The following OVCH2 variants were observed in gnomAD, a reference collection of about 807,000 sequenced individuals.
The protein encoded by OVCH2 is ovochymase-2.
A neutral mutation model predicts 73.7 loss-of-function variants in OVCH2; 88 were observed. That is an observed-to-expected ratio of 1.19 (90% CI 1.01 to 1.43). OVCH2 has a LOEUF of 1.43. Ranked by LOEUF, OVCH2 falls within the 40% of genes most tolerant of loss-of-function variation. The probability of loss-of-function intolerance (pLI) is 0.00; values close to 1 mark genes in which losing one functional copy is unlikely to be tolerated. For synonymous variants in OVCH2, 265 were observed against 234.5 expected (o/e 1.13, Z -1.19); for missense variants, 706 against 674.5 (o/e 1.05, Z -0.52).
intron 14 of OVCH2, 140 bp downstream of exon 14, chr11:7,691,129 G>T (rs771648568): frequency 2.3e-5 from 24 of 1,058,344 alleles, no homozygotes; most frequent in African/African-American, 3.2e-5. Context: ...CTCTTATTCA[G>T]TGTCCATGGT....
Position 7,703,771 on chromosome 11 carries a change from G to A in OVCH2, c.217C>T (p.Gln73Ter), listed in dbSNP as rs781651308. Residue 73 changes from glutamine (Q) to a stop codon, truncating the protein, a stop_gained, in exon 3 of 16, where the codon CAG (glutamine) becomes TAG (stop). Transcript: ENST00000533663. LOFTEE classifies it high-confidence loss of function. Reference sequence around the variant, plus strand: ...ATGCTTCCTCCACAAATATGCTTCTGCCTTTGTTTCAGAGATACCTAAATT... The same window carrying A: ...ATGCTTCCTCCACAAATATGCTTCTACCTTTGTTTCAGAGATACCTAAATT... ...YPWQVSLKQR[Q>*]KHICGGSIVS... 6.2e-7 allele frequency: 1 copy of A among 1,608,282 alleles called. No homozygotes were observed. The highest frequency in any genetic ancestry group is 8.5e-7 in the Non-Finnish European group (1 of 1,177,230).
the OVCH2 span, among the ~76,000 whole-genome samples, chr11:7,679,697 T>A: frequency 6.6e-6 from 1 of 152,060 alleles, no homozygotes; most frequent in Non-Finnish European, 1.5e-5. Context: ...ATCCAGTCAG[T>A]CTCAGGGATG....
intron 11 of OVCH2, 91 bp from the exon 12 acceptor site, chr11:7,695,279 A>AT: frequency 7.3e-7 from 1 of 1,371,184 alleles, no homozygotes; most frequent in South Asian, 1.5e-5. Context: ...AAAATGATGC[A>AT]TATCAATTGC....
intron 12 of OVCH2, among the ~76,000 whole-genome samples, chr11:7,694,779 T>C (rs531903234): frequency 2.0e-5 from 3 of 147,414 alleles, no homozygotes; most frequent in Non-Finnish European, 4.4e-5. Flanking sequence ...GCCCGGCTAA[T>C]TCAATACAAA....
chr11:7,688,458 C>CTGCAGCT (rs1324215624), downstream of OVCH2, among the ~76,000 whole-genome samples: 1 of 152,136 alleles, frequency 6.6e-6, no homozygotes, highest in Non-Finnish European at 1.5e-5. Flanking sequence ...GAAGGAATCA[C>CTGCAGCT]TGCAGCCACA....
chr11:7,701,309 G>A lies in OVCH2; in HGVS notation c.711+15C>T, dbSNP rs774034011. ...TCCTTGCCTGGGGCCTGACAGCCCC[G>A]CAGCTCCCACCCACCTGACATGCGT... On this transcript the variant is annotated intron_variant, in intron 6 of 15. Transcript: ENST00000533663. 3.0e-5 allele frequency: 48 copies of A among 1,602,272 alleles called. No individual in the cohort carries two copies. The highest frequency in any genetic ancestry group is 3.7e-4 in the Middle Eastern group (2 of 5,412).
chr11:7,685,121 C>A (rs1257244371), downstream of OVCH2, among the ~76,000 whole-genome samples: 1 of 152,116 alleles, frequency 6.6e-6, no homozygotes, highest in Non-Finnish European at 1.5e-5. Flanking sequence ...CCCTGGGTTT[C>A]CAGTGACTTG....
At chr11:7,702,680 A>G (rs754777802) in intron 3 of OVCH2, among the ~76,000 whole-genome samples, 7 of 152,190 alleles carry the variant, frequency 4.6e-5, no homozygotes, top group Non-Finnish European at 8.8e-5. Flanking sequence ...CTGACCTAAT[A>G]TCAGTGAGAC....
chr11:7,703,825 T>C (rs374889056), intron 2 of OVCH2, 36 bp from the exon 3 acceptor site: 1 of 1,517,932 alleles, frequency 6.6e-7, no homozygotes. Flanking sequence ...AGCAAGTTCA[T>C]GCCCTGGGAT....
Position 7,698,735 on chromosome 11 carries a change from G to C in OVCH2, c.925+15C>G. The C allele has an allele frequency of 6.2e-7, 1 of 1,611,018 alleles. No homozygotes were observed. The highest frequency in any genetic ancestry group is 8.5e-7 in the Non-Finnish European group (1 of 1,178,506). ...ATTTGTGCTCCTGATGGAGCAGCCT[G>C]CAAGGGATACCCACCTCTGGAGCTC... On this transcript the variant is annotated intron_variant, in intron 8 of 15. Transcript: ENST00000533663.
intron 1 of OVCH2, among the ~76,000 whole-genome samples, chr11:7,705,944 G>C (rs1012076265): frequency 9.9e-5 from 15 of 152,218 alleles, no homozygotes; most frequent in African/African-American, 3.6e-4. Flanking sequence ...AGATGATTTT[G>C]TAAAAGATTA....
chr11:7,690,602 A>G (rs1856202205), intron 14 of OVCH2, among the ~76,000 whole-genome samples: 1 of 152,102 alleles, frequency 6.6e-6, no homozygotes, highest in South Asian at 2.1e-4. Flanking sequence ...TATAGCTCCA[A>G]AAGTGATACT....
Position 7,706,429 on chromosome 11 carries a change from G to C in OVCH2, c.-35C>G. On this transcript the variant is annotated 5_prime_UTR_variant, in exon 1 of 16. Coordinates refer to ENST00000533663, the MANE Select transcript of OVCH2 (RefSeq NM_198185.7). ...CATAGTTTTTCCCTGAAATTTTAGA[G>C]AGACTAAAGCAAACAAAAATAGGAA... 6.5e-7 allele frequency: 1 copy of C among 1,544,736 alleles called. No individual in the cohort carries two copies. The highest frequency in any genetic ancestry group is 8.7e-7 in the Non-Finnish European group (1 of 1,145,346).
intron 10 of OVCH2, 117 bp downstream of exon 10, chr11:7,696,348 A>G: frequency 5.0e-6 from 7 of 1,402,020 alleles, no homozygotes; most frequent in Non-Finnish European, 6.8e-6. Context: ...TGAGTCTCAA[A>G]GCGGAAGTCA....
At chr11:7,679,321 G>C in the OVCH2 span, among the ~76,000 whole-genome samples, 2 of 152,200 alleles carry the variant, frequency 1.3e-5, no homozygotes, top group Admixed American at 1.3e-4. Context: ...CTCCTGAATA[G>C]CCTCCTGATG....
chr11:7,683,981 T>A, the OVCH2 span, among the ~76,000 whole-genome samples: 5 of 150,906 alleles, frequency 3.3e-5, no homozygotes, highest in South Asian at 1.0e-3. Context: ...TCAGTATCAT[T>A]TATTGCCATC....
the OVCH2 span, among the ~76,000 whole-genome samples, chr11:7,681,235 T>C: frequency 6.6e-6 from 1 of 152,226 alleles, no homozygotes; most frequent in Non-Finnish European, 1.5e-5. Flanking sequence ...TTAAATCAGT[T>C]TCATTAGCTT....
Position 7,701,717 on chromosome 11 carries a change from T to A in OVCH2, c.558A>T (p.Glu186Asp), listed in dbSNP as rs1460704158. 3 of 1,610,772 alleles carry A rather than the reference T, an allele frequency of 1.9e-6. No individual in the cohort carries two copies. The highest frequency in any genetic ancestry group is 2.5e-6 in the Non-Finnish European group (3 of 1,178,646). ...GAGGAATGGCACACAAGTTCTTACC[T>A]TCAGTTAAGCGGCCCCAGCCTGCAG... ...CTTAGWGRLT[E>D]GGVLSQVLQE... The change falls in exon 5 of 16, where the codon GAA (glutamate) becomes GAT (aspartate). Residue 186 changes from glutamate to aspartate, a missense_variant and splice_region_variant. Coordinates refer to ENST00000533663, the MANE Select transcript of OVCH2 (RefSeq NM_198185.7).
chr11:7,685,082 T>G (rs1401277859), downstream of OVCH2, among the ~76,000 whole-genome samples: 2 of 152,188 alleles, frequency 1.3e-5, no homozygotes, highest in African/African-American at 4.8e-5. Context: ...TCTTTCTCAC[T>G]TGACCAAGAA....
Sources: allele counts gnomAD v4.1 joint callset (sites outside exome capture counted in the v4.1 genomes callset), GRCh38; gene constraint gnomAD v4.1.1; transcripts MANE v1.5; gene names NCBI Gene and HGNC (gene_info 2026-07-23, HGNC 2026-07-21).